C1orf185: variants seen among roughly 807,000 people sequenced by gnomAD.
C1orf185 encodes chromosome 1 open reading frame 185.
In C1orf185, 13 loss-of-function variants were observed where a neutral mutation model predicts 16.1. That is an observed-to-expected ratio of 0.81 (90% confidence interval 0.53 to 1.28). The LOEUF (loss-of-function observed/expected upper bound fraction) is 1.28, where lower values mean the gene tolerates loss of function less well. C1orf185 is among the 50% of genes most tolerant of loss of function. C1orf185 has a pLI of 0.00. For synonymous variants in C1orf185, 80 were observed against 76.9 expected (o/e 1.04, Z -0.21); for missense variants, 220 against 225.2 (o/e 0.98, Z 0.15).
chr1:51,125,116 C>T (rs1646230983), intron 3 of C1orf185, among the ~76,000 whole-genome samples: 2 of 152,096 alleles, frequency 1.3e-5, no homozygotes. Context: ...AGATGGGATG[C>T]GGTTGGAAGC....
chr1:51,144,034 GTTTA>G (rs1301099295), intron 3 of C1orf185, among the ~76,000 whole-genome samples: 1 of 152,150 alleles, frequency 6.6e-6, no homozygotes, highest in Non-Finnish European at 1.5e-5. Context: ...CTAGAAGTGG[GTTTA>G]TTAAGTTTCA....
intron 1 of C1orf185, chr1:51,107,476 A>T (rs1327404395): frequency 3.3e-5 from 5 of 152,238 alleles, no homozygotes; most frequent in Non-Finnish European, 7.3e-5. Flanking sequence ...TTAAATATTT[A>T]ATTGTTAAAA....
intron 1 of C1orf185, among the ~76,000 whole-genome samples, chr1:51,110,492 GA>G (rs1646108111): frequency 6.6e-6 from 1 of 151,880 alleles, no homozygotes; most frequent in Admixed American, 6.5e-5. Context: ...CTTGAAGCTG[GA>G]AATTACTTAG....
intron 3 of C1orf185, among the ~76,000 whole-genome samples, chr1:51,138,605 G>A (rs1646343118): frequency 6.6e-6 from 1 of 152,006 alleles, no homozygotes; most frequent in Middle Eastern, 3.2e-3. Context: ...TGTTAACTAG[G>A]ATGGTCTCAA....
chr1:51,123,922 A>G (rs1448085831), intron 3 of C1orf185, among the ~76,000 whole-genome samples: 1 of 151,694 alleles, frequency 6.6e-6, no homozygotes, highest in Admixed American at 6.6e-5. Context: ...TAAAATATAT[A>G]TTTTATACAC....
chr1:51,142,393 G>T (rs1211972144), intron 3 of C1orf185, among the ~76,000 whole-genome samples: 1 of 152,138 alleles, frequency 6.6e-6, no homozygotes, highest in African/African-American at 2.4e-5. Flanking sequence ...TTTTCCTCAT[G>T]ATCACATTTA....
chr1:51,103,535 CTT>C (rs753881327), intron 1 of C1orf185, among the ~76,000 whole-genome samples: 3 of 133,530 alleles, frequency 2.2e-5, no homozygotes, highest in Non-Finnish European at 3.3e-5. Flanking sequence ...GATGTCTTTC[CTT>C]TTTTTTTTTT....
chr1:51,141,663 T>C (rs551497893), intron 3 of C1orf185, among the ~76,000 whole-genome samples: 1 of 152,188 alleles, frequency 6.6e-6, no homozygotes, highest in East Asian at 1.9e-4. Flanking sequence ...TGTGTATGGG[T>C]GTGTATTTTT....
chr1:51,103,434 CACACACACACACACAA>C (rs2148006079), intron 1 of C1orf185, among the ~76,000 whole-genome samples: 1 of 150,240 alleles, frequency 6.7e-6, no homozygotes, highest in African/African-American at 2.5e-5. Context: ...CACACACACA[CACACACACACACACAA>C]AAACCACGAA....
At chr1:51,134,398 CAA>C (rs1402667515) in intron 3 of C1orf185, among the ~76,000 whole-genome samples, 1 of 151,874 alleles carries the variant, frequency 6.6e-6, no homozygotes, top group Non-Finnish European at 1.5e-5. Context: ...AGAAAGATCT[CAA>C]GTTAACAACC....
chr1:51,103,431 A>ACG (rs1482102758), intron 1 of C1orf185, among the ~76,000 whole-genome samples: 6 of 149,746 alleles, frequency 4.0e-5, no homozygotes, highest in African/African-American at 1.5e-4. Context: ...ACACACACAC[A>ACG]CACACACACA....
intron 4 of C1orf185, 102 bp from the exon 5 acceptor site, chr1:51,147,365 C>G: frequency 1.8e-6 from 2 of 1,086,230 alleles, no homozygotes; most frequent in Non-Finnish European, 2.6e-6. Context: ...GATAGCAACT[C>G]AGAATTTCTT....
chr1:51,136,418 A>G (rs1557651642), intron 3 of C1orf185, among the ~76,000 whole-genome samples: 1 of 151,576 alleles, frequency 6.6e-6, no homozygotes, highest in Non-Finnish European at 1.5e-5. Context: ...TCACTGAAAC[A>G]AAAAAGAGCC....
At chr1:51,109,892 C>T (rs768445799) in intron 1 of C1orf185, among the ~76,000 whole-genome samples, 7 of 152,032 alleles carry the variant, frequency 4.6e-5, no homozygotes, top group African/African-American at 1.7e-4. Flanking sequence ...TGGTTTCATA[C>T]ACATTTTAGA....
In C1orf185 at chr1:51,147,623, C is replaced by T. The variant is rs1045473091; in HGVS notation, c.452C>T (p.Ala151Val). ...TATTACAGCCAAAGTATAGAAGCAG[C>T]TGATGACTGGTTTTCTGATGATTCT... The part of the protein sequence containing the change: ...DSYYSQSIEA[A>V]DDWFSDDSLV... Residue 151 changes from alanine to valine, a missense_variant, in exon 5 of 5, where the codon GCT (alanine) becomes GTT (valine). By Grantham distance (64) the Ala-to-Val change is moderately conservative (BLOSUM62 0). Coordinates refer to ENST00000371759, the MANE Select transcript of C1orf185 (RefSeq NM_001136508.2). 1.3e-6 allele frequency: 2 copies of T among 1,551,420 alleles called. No homozygotes were observed. Among genetic ancestry groups the T allele is most frequent in the African/African-American group, 2.7e-5 (2 of 73,020 alleles).
intron 1 of C1orf185, among the ~76,000 whole-genome samples, chr1:51,105,855 G>C (rs1646067108): frequency 6.6e-6 from 1 of 152,164 alleles, no homozygotes; most frequent in African/African-American, 2.4e-5. Flanking sequence ...ACACAGTCAA[G>C]CCTTCTCATT....
intron 3 of C1orf185, among the ~76,000 whole-genome samples, chr1:51,141,961 G>T (rs1285457252): frequency 6.6e-6 from 1 of 152,026 alleles, no homozygotes; most frequent in Non-Finnish European, 1.5e-5. Flanking sequence ...TAGAGACAGG[G>T]TTTCACCATG....
At chr1:51,133,927 C>A (rs1646304148) in intron 3 of C1orf185, among the ~76,000 whole-genome samples, 1 of 152,116 alleles carries the variant, frequency 6.6e-6, no homozygotes, top group African/African-American at 2.4e-5. Context: ...ATTAAAAATA[C>A]AAAAATTAGC....
At chr1:51,103,518 A>C (rs1027909737) in intron 1 of C1orf185, among the ~76,000 whole-genome samples, 3 of 151,098 alleles carry the variant, frequency 2.0e-5, no homozygotes, top group African/African-American at 7.3e-5. Context: ...ATGCATGTTA[A>C]ATTTCAGATG....
Sources: allele counts gnomAD v4.1 joint callset (sites outside exome capture counted in the v4.1 genomes callset), GRCh38; gene constraint gnomAD v4.1.1; transcripts MANE v1.5; gene names NCBI Gene and HGNC (gene_info 2026-07-23, HGNC 2026-07-21).